DOCK1: variants seen among roughly 807,000 people sequenced by gnomAD.
DOCK1 encodes the protein dedicator of cytokinesis protein 1.
Under a neutral mutation model 262.7 loss-of-function variants are expected in DOCK1, and 138 were observed. The ratio of observed to expected loss-of-function variants is 0.53; its 90% confidence interval spans 0.46 to 0.61. DOCK1 has a LOEUF of 0.61. DOCK1 is among the 20% of genes least tolerant of loss of function. The pLI is 0.00. For synonymous variants in DOCK1, 866 were observed against 867.4 expected, an observed-to-expected ratio of 1.00 and a Z score of 0.03; for missense variants, 1,908 against 2,370.7, an observed-to-expected ratio of 0.80 and a Z score of 4.05.
chr10:127,020,874 T>G (rs1484358401), intron 13 of DOCK1, among the ~76,000 whole-genome samples: 1 of 152,202 alleles, frequency 6.6e-6, no homozygotes, highest in Non-Finnish European at 1.5e-5. Flanking sequence ...GCGTCTTCTT[T>G]GGACAGCGCA....
At chr10:127,395,987 A>G (rs545329473) in intron 38 of DOCK1, among the ~76,000 whole-genome samples, 161 of 152,346 alleles carry the variant, frequency 1.1e-3, no homozygotes, top group African/African-American at 3.0e-3. Context: ...CACACTGAGC[A>G]GTCCTGTGCA....
chr10:127,426,062 C>A (rs2068793890), intron 47 of DOCK1, 51 bp downstream of exon 47: 1 of 1,608,860 alleles, frequency 6.2e-7, no homozygotes, highest in South Asian at 1.1e-5. Context: ...TCTGGGCATC[C>A]CACTGTTGAA....
intron 29 of DOCK1, among the ~76,000 whole-genome samples, chr10:127,280,911 C>T (rs770575724): frequency 9.9e-5 from 15 of 152,256 alleles, no homozygotes; most frequent in African/African-American, 2.4e-4. Context: ...GTGAAGATCA[C>T]GTCAGCCCAT....
chr10:126,998,204 A>G lies in DOCK1; in HGVS notation c.722A>G (p.Glu241Gly). 1 of 1,614,014 alleles carries G rather than the reference A, an allele frequency of 6.2e-7. No individual in the cohort carries two copies. Among genetic ancestry groups the G allele is most frequent in the Non-Finnish European group, 8.5e-7 (1 of 1,179,890 alleles). The stretch of plus-strand genomic sequence containing the variant: ...GTTTGTAAAATAGGAGAAGATGCTG[A>G]AGTCCTCATGTCTCTATATGACCCT... ...NVVCKIGEDAEVLMSLYDPVE... is the reference protein window; with the variant it reads ...NVVCKIGEDAGVLMSLYDPVE... Residue 241 changes from glutamate (E) to glycine (G), a missense_variant, in exon 8 of 52, where the codon GAA becomes GGA. Transcript: ENST00000623213.
rs576983212 is a variant in DOCK1 at position 127,164,333 on chromosome 10, G to A, written c.2847+36569G>A. 1.2e-3 allele frequency among the ~76,000 whole-genome samples: 176 copies of A among 151,670 alleles called. 1 individual carries two copies. Among genetic ancestry groups the A allele is most frequent in the African/African-American group, 4.0e-3 (165 of 41,368 alleles). On this transcript the variant is annotated intron_variant, in intron 27 of 51. Transcript: ENST00000623213. ...TGAGCAGCTGAGATTACAGGTGCCC[G>A]CCACCACACCCCACTAATTTTTGTA...
Position 127,340,122 on chromosome 10 carries a change from G to A in DOCK1, c.3123+1038G>A, listed in dbSNP as rs1177337896. 2.6e-5 allele frequency among the ~76,000 whole-genome samples: 4 copies of A among 152,000 alleles called. No individual in the cohort carries two copies. The East Asian group carries it at 7.7e-4, about 29-fold the overall frequency. On this transcript the variant is annotated intron_variant, in intron 30 of 51. Coordinates refer to ENST00000623213, the MANE Select transcript of DOCK1 (RefSeq NM_001290223.2). The stretch of plus-strand genomic sequence containing the variant: ...GTATTGGCATTACAGGATATAATTA[G>A]ATAATAATATATCAGGTGCCATATA...
intron 38 of DOCK1, among the ~76,000 whole-genome samples, chr10:127,395,632 G>A (rs1325678207): frequency 6.6e-6 from 1 of 152,214 alleles, no homozygotes; most frequent in Non-Finnish European, 1.5e-5. Flanking sequence ...CCTCTTTTCA[G>A]GGGGTAATTC....
In DOCK1 at chr10:127,018,695, C is replaced by T; in HGVS notation, c.1202-15C>T. 2 of 1,614,006 alleles carry T rather than the reference C, an allele frequency of 1.2e-6. No individual in the cohort carries two copies. The highest frequency in any genetic ancestry group is 8.5e-7 in the Non-Finnish European group (1 of 1,179,894). On this transcript the variant is annotated splice_polypyrimidine_tract_variant and intron_variant, in intron 12 of 51. Coordinates refer to ENST00000623213, the MANE Select transcript of DOCK1 (RefSeq NM_001290223.2). ...AGGATAAAATGCGACTTAAGAGCAT[C>T]CATTGTTTTTCCAGGTTTGTGGGTA...
rs968844362 is a variant in DOCK1, at chr10:127,313,288, G to A, written c.3045-25718G>A. Among the ~76,000 whole-genome samples, 8 of 152,240 alleles carry A rather than the reference G, an allele frequency of 5.3e-5. No individual in the cohort carries two copies. The South Asian group carries it at 6.2e-4, about 12-fold the overall frequency. ...CTCTCAATAGCCCTGACACACACAA[G>A]CAGGGACAATGTCCTAAGCATCTTT... On this transcript the variant is annotated intron_variant, in intron 29 of 51. Transcript: ENST00000623213.
intron 2 of DOCK1, among the ~76,000 whole-genome samples, chr10:126,974,890 A>T (rs2038399551): frequency 6.6e-6 from 1 of 152,062 alleles, no homozygotes; most frequent in African/African-American, 2.4e-5. Context: ...GAGGAAAACC[A>T]TGGTTTTCAT....
At chr10:127,134,023 C>A (rs1336738010) in intron 27 of DOCK1, among the ~76,000 whole-genome samples, 2 of 152,186 alleles carry the variant, frequency 1.3e-5, no homozygotes, top group East Asian at 3.9e-4. Context: ...TCAACTTTCA[C>A]TTGCTGATAA....
At chr10:127,126,683 ATCT>A (rs2049985416) in intron 26 of DOCK1, among the ~76,000 whole-genome samples, 1 of 152,182 alleles carries the variant, frequency 6.6e-6, no homozygotes, top group African/African-American at 2.4e-5. Flanking sequence ...GATGCTATTG[ATCT>A]TCCAGGTGTG....
chr10:127,021,678 G>T (rs966896541), intron 13 of DOCK1, among the ~76,000 whole-genome samples: 1 of 152,184 alleles, frequency 6.6e-6, no homozygotes, highest in Non-Finnish European at 1.5e-5. Flanking sequence ...GGTTCTTCTC[G>T]TGGTCAGTAT....
intron 29 of DOCK1, among the ~76,000 whole-genome samples, chr10:127,308,381 C>G (rs1719861933): frequency 6.6e-6 from 1 of 152,190 alleles, no homozygotes; most frequent in Non-Finnish European, 1.5e-5. Flanking sequence ...CTCCCAGTTA[C>G]ACAGCCTTGA....
chr10:127,109,011 T>C lies in DOCK1; in HGVS notation c.2517-1237T>C, dbSNP rs562694619. ...TATTCAAGTTTTTTTAAAAAAAATATATTATAAAATGCTAGGATAAAATTT... is the reference window on the plus strand; with the variant it reads ...TATTCAAGTTTTTTTAAAAAAAATACATTATAAAATGCTAGGATAAAATTT... On this transcript the variant is annotated intron_variant, in intron 24 of 51. Transcript: ENST00000623213. Among the ~76,000 whole-genome samples, 81 of 152,348 alleles carry C rather than the reference T, an allele frequency of 5.3e-4. No homozygotes were observed. The South Asian group carries it at 0.016, about 30-fold the overall frequency.
At chr10:127,036,014 A>ATAAG (rs1440126529) in intron 18 of DOCK1, among the ~76,000 whole-genome samples, 5 of 143,134 alleles carry the variant, frequency 3.5e-5, no homozygotes, top group Non-Finnish European at 6.0e-5. Flanking sequence ...AAATAAATAA[A>ATAAG]TAAATAAATA....
intron 27 of DOCK1, among the ~76,000 whole-genome samples, chr10:127,241,911 T>C (rs556659657): frequency 3.9e-5 from 6 of 152,204 alleles, no homozygotes; most frequent in African/African-American, 1.4e-4. Flanking sequence ...GCAGACTGGA[T>C]ATAGGGTCAC....
intron 1 of DOCK1, among the ~76,000 whole-genome samples, chr10:126,933,712 A>G (rs1181606519): frequency 6.6e-6 from 1 of 152,060 alleles, no homozygotes; most frequent in African/African-American, 2.4e-5. Context: ...CTTCTCTTTG[A>G]GGCATTGATG....
intron 27 of DOCK1, among the ~76,000 whole-genome samples, chr10:127,203,083 C>T (rs879810427): frequency 3.9e-5 from 6 of 152,202 alleles, no homozygotes; most frequent in Non-Finnish European, 7.3e-5. Context: ...TTTTGCATTT[C>T]GATAGCACTC....
Sources: allele counts gnomAD v4.1 joint callset (sites outside exome capture counted in the v4.1 genomes callset), GRCh38; gene constraint gnomAD v4.1.1; transcripts MANE v1.5; gene names NCBI Gene and HGNC (gene_info 2026-07-23, HGNC 2026-07-21).